NUP35: variants seen among roughly 807,000 people sequenced by gnomAD.
NUP35 encodes the protein nucleoporin 35, also known as nucleoporin NUP35.
A neutral mutation model predicts 41.5 loss-of-function variants in NUP35; 25 were observed. That is an observed-to-expected ratio of 0.60 (90% CI 0.44 to 0.84). The LOEUF is 0.84. Among genes scored for constraint, NUP35 ranks in the 40% least tolerant of loss-of-function variants. The pLI is 0.00. For missense variants in NUP35, 396 were observed against 396.6 expected (o/e 1.00, Z 0.01); for synonymous variants, 149 against 130.7 (o/e 1.14, Z -0.96).
At chr2:183,152,002 C>G (rs1208942670) in intron 5 of NUP35, among the ~76,000 whole-genome samples, 1 of 151,934 alleles carries the variant, frequency 6.6e-6, no homozygotes, top group Non-Finnish European at 1.5e-5. Flanking sequence ...CTAGATGGAA[C>G]ACAGTTGTCC....
intron 4 of NUP35, among the ~76,000 whole-genome samples, chr2:183,138,269 A>ATATATATATATATATATATATAT: frequency 3.7e-5 from 3 of 80,696 alleles, no homozygotes; most frequent in African/African-American, 1.9e-4. Flanking sequence ...ATATATATAT[A>ATATATATATATATATATATATAT]TTTTTTTTTT....
intron 4 of NUP35, among the ~76,000 whole-genome samples, chr2:183,147,556 G>A (rs1003371086): frequency 2.6e-5 from 4 of 152,046 alleles, no homozygotes; most frequent in African/African-American, 9.7e-5. Context: ...ACCTATTTTT[G>A]TACCAGTACC....
chr2:183,154,787 C>G (rs796728646), intron 5 of NUP35, among the ~76,000 whole-genome samples: 1 of 152,122 alleles, frequency 6.6e-6, no homozygotes, highest in Admixed American at 6.5e-5. Flanking sequence ...CAGCAATGCC[C>G]CACTCTACTG....
upstream of NUP35, chr2:183,124,361 C>T: frequency 6.2e-7 from 1 of 1,602,896 alleles, no homozygotes; most frequent in Non-Finnish European, 8.5e-7. Context: ...AGTTACGCAA[C>T]CCCATAAGGT....
upstream of NUP35, among the ~76,000 whole-genome samples, chr2:183,124,109 T>C (rs1484859541): frequency 1.3e-5 from 2 of 152,176 alleles, no homozygotes; most frequent in Non-Finnish European, 2.9e-5. Flanking sequence ...TGACCGATGA[T>C]AGAGCACTGG....
intron 1 of NUP35, among the ~76,000 whole-genome samples, chr2:183,127,959 AGCTACTGAGAG>A (rs1283369437): frequency 6.6e-6 from 1 of 152,004 alleles, no homozygotes; most frequent in East Asian, 1.9e-4. Flanking sequence ...CTGTAGACTT[AGCTACTGAGAG>A]GCTGAGGAGG....
intron 5 of NUP35, among the ~76,000 whole-genome samples, chr2:183,152,149 AC>A (rs1431280928): frequency 7.1e-6 from 1 of 141,090 alleles, no homozygotes; most frequent in East Asian, 2.0e-4. Context: ...ACACACACAC[AC>A]ACACAATGTC....
chr2:183,136,129 A>T lies in NUP35; in HGVS notation c.397+2506A>T, dbSNP rs188171549. ...GGAAACTTAGTCATTTTCTATCACG[A>T]TGCTCAGAATTCTTCCAGCCTCTAC... is the stretch of plus-strand genomic sequence containing the variant. On this transcript the variant is annotated intron_variant, in intron 4 of 8. Coordinates refer to ENST00000295119, the MANE Select transcript of NUP35 (RefSeq NM_138285.5). Among the ~76,000 whole-genome samples the T allele has an allele frequency of 3.3e-3, 505 of 152,296 alleles. 1 individual carries two copies. The highest frequency in any genetic ancestry group is 0.014 in the Middle Eastern group (4 of 294).
At chr2:183,156,381 C>T (rs1482876843) in intron 5 of NUP35, among the ~76,000 whole-genome samples, 1 of 152,190 alleles carries the variant, frequency 6.6e-6, no homozygotes, top group Non-Finnish European at 1.5e-5. Flanking sequence ...TACTCTGTCA[C>T]CCGGCTGGAG....
rs868099290 is a variant in NUP35 at position 183,128,380 on chromosome 2, C to T, written c.134C>T (p.Ala45Val). ...LPGFLMGDLP[A>V]PVTPQPRSIS... ...GGATTTTTAATGGGGGATTTGCCAG[C>T]TCCGGTGACTCCACAACCTCGATCA... Residue 45 changes from alanine (A) to valine (V), a missense_variant, in exon 2 of 9, where the codon GCT (alanine) becomes GTT (valine). Coordinates refer to ENST00000295119, the MANE Select transcript of NUP35 (RefSeq NM_138285.5). The T allele has an allele frequency of 6.2e-7, 1 of 1,614,014 alleles. No homozygotes were observed. The highest frequency in any genetic ancestry group is 8.5e-7 in the Non-Finnish European group (1 of 1,179,952).
At chr2:183,158,433 C>A in intron 7 of NUP35, 22 bp downstream of exon 7, 1 of 1,570,212 alleles carries the variant, frequency 6.4e-7, no homozygotes. Context: ...GTGATGTAGG[C>A]AAAGTAGCTT....
chr2:183,126,422 A>G (rs903050451), intron 1 of NUP35, among the ~76,000 whole-genome samples: 4 of 152,124 alleles, frequency 2.6e-5, no homozygotes, highest in Non-Finnish European at 4.4e-5. Context: ...GAGTGAATGT[A>G]GTGAATGTTA....
At position 183,152,142 on chromosome 2, in the gene NUP35, C is replaced by G. The variant is rs1437409442; in HGVS notation, c.539+493C>G. 2.1e-5 allele frequency among the ~76,000 whole-genome samples: 3 copies of G among 145,740 alleles called. No homozygotes were observed. In the Admixed American group the frequency reaches 2.1e-4, roughly 10 times the overall value. ...ACACACACACACACACACACACACACACACACACACACAATGTCACAGGGT... is the reference window on the plus strand; with the variant it reads ...ACACACACACACACACACACACACAGACACACACACACAATGTCACAGGGT... On this transcript the variant is annotated intron_variant, in intron 5 of 8. Transcript: ENST00000295119.
upstream of NUP35, among the ~76,000 whole-genome samples, chr2:183,120,280 T>C (rs1269062176): frequency 6.6e-6 from 1 of 152,022 alleles, no homozygotes; most frequent in African/African-American, 2.4e-5. Context: ...ACCCTGTCTC[T>C]ACTAAAAATA....
chr2:183,142,116 T>C (rs2675100), intron 4 of NUP35, among the ~76,000 whole-genome samples: 16,726 of 152,206 alleles, frequency 0.11, 1,176 homozygotes, highest in Non-Finnish European at 0.16. Flanking sequence ...TCCTGAGTAT[T>C]TTTACGTGAC....
At chr2:183,122,104 GT>G (rs563084521), upstream of NUP35, among the ~76,000 whole-genome samples, 628 of 149,002 alleles carry the variant, frequency 4.2e-3, 8 homozygotes, top group African/African-American at 0.015. Context: ...TGGACACAGA[GT>G]CTCGCTCTGT....
intron 1 of NUP35, among the ~76,000 whole-genome samples, chr2:183,126,959 G>A (rs938604044): frequency 4.7e-5 from 7 of 150,442 alleles, no homozygotes; most frequent in African/African-American, 9.7e-5. Context: ...ATAATAATTC[G>A]TATTTATTGA....
intron 4 of NUP35, among the ~76,000 whole-genome samples, chr2:183,142,166 C>G (rs1351212806): frequency 6.6e-6 from 1 of 151,948 alleles, no homozygotes; most frequent in Non-Finnish European, 1.5e-5. Context: ...GGTTGGTATT[C>G]TCAATTTTGC....
intron 3 of NUP35, among the ~76,000 whole-genome samples, chr2:183,130,808 C>T (rs2705725): frequency 0.12 from 18,036 of 152,140 alleles, 1,279 homozygotes; most frequent in Non-Finnish European, 0.16. Flanking sequence ...CCCATAGCTC[C>T]AACCTACTTA....
Sources: gnomAD v4.1 joint callset for allele counts (sites outside exome capture counted in the v4.1 genomes callset) on GRCh38, gnomAD v4.1.1 for gene constraint, MANE v1.5 for transcripts, NCBI Gene and HGNC (gene_info 2026-07-23, HGNC 2026-07-21) for gene names.